CMPK2: variants seen among roughly 807,000 people sequenced by gnomAD.
The protein encoded by CMPK2 is UMP-CMP kinase 2, mitochondrial.
In CMPK2, 32 loss-of-function variants were observed where a neutral mutation model predicts 33.4. That is an observed-to-expected ratio of 0.96 (90% CI 0.72 to 1.29). CMPK2 has a LOEUF of 1.29. Among genes scored for constraint, CMPK2 ranks in the 50% most tolerant of loss-of-function variants. The pLI is 0.00. For missense variants in CMPK2, 672 were observed against 616.0 expected (o/e 1.09, Z -0.96); for synonymous variants, 299 against 275.3 (o/e 1.09, Z -0.85).
chr2:6,864,206 T>TG (rs78894892), intron 1 of CMPK2: 140,801 of 151,976 alleles, frequency 0.93, 65,982 homozygotes, highest in Non-Finnish European at 0.99. Context: ...TGAACTGGGG[T>TG]GGGGGGGTGC....
intron 3 of CMPK2, among the ~76,000 whole-genome samples, chr2:6,859,484 T>A (rs966822063): frequency 2.6e-5 from 4 of 152,174 alleles, no homozygotes; most frequent in Non-Finnish European, 5.9e-5. Context: ...GTCCCTCTGC[T>A]CTGTGCAGCC....
At chr2:6,864,931 A>G in intron 1 of CMPK2, 91 bp downstream of exon 1, 1 of 1,334,500 alleles carries the variant, frequency 7.5e-7, no homozygotes. Flanking sequence ...CCAGGCAAGA[A>G]CCGGCTCTAC....
In CMPK2 at chr2:6,849,476, G is replaced by A. The variant is rs754080565; in HGVS notation, c.*374C>T. On this transcript the variant is annotated 3_prime_UTR_variant, in exon 5 of 5. Coordinates refer to ENST00000256722, the MANE Select transcript of CMPK2 (RefSeq NM_207315.4). ...CCAGTGTAGGAGAAGCAGAGGCTCC[G>A]GGGTCTCCCTGCTGATCTGGAAGAT... 1.9e-5 allele frequency: 19 copies of A among 1,021,508 alleles called. No individual in the cohort carries two copies. Among genetic ancestry groups the A allele is most frequent in the Admixed American group, 5.9e-5 (1 of 16,810 alleles). 63.3% of individuals were successfully genotyped at this position (1,021,508 alleles called of 1,614,324 possible).
chr2:6,864,060 G>A (rs1033488317), intron 1 of CMPK2, among the ~76,000 whole-genome samples: 1 of 152,178 alleles, frequency 6.6e-6, no homozygotes, highest in Non-Finnish European at 1.5e-5. Context: ...GTCCCCCTGG[G>A]AATTCCCAGT....
At chr2:6,861,020 G>T (rs531609731) in intron 3 of CMPK2, among the ~76,000 whole-genome samples, 164 bp downstream of exon 3, 1 of 151,900 alleles carries the variant, frequency 6.6e-6, no homozygotes, top group South Asian at 2.1e-4. Context: ...AATTCATAAG[G>T]AGAATTCCTA....
rs753637518 is a variant in CMPK2 at position 6,865,333 on chromosome 2, C to A, written c.364G>T (p.Gly122Cys). 3 of 1,488,690 alleles carry A rather than the reference C, an allele frequency of 2.0e-6. No individual in the cohort carries two copies. The highest frequency in any genetic ancestry group is 2.5e-5 in the South Asian group (2 of 78,536). The allele number at this position is 1,488,690 out of a possible 1,614,324, so 92.2% of individuals were successfully genotyped here. ...LLRLLCYCPG[G>C]QAGGAQQGFL... ...CCTTGCTGTGCGCCGCCGGCCTGGC[C>A]GCCCGGGCAGTAGCAGAGCAGCCTG... is the stretch of plus-strand genomic sequence containing the variant. The change falls in exon 1 of 5, where the codon GGC becomes TGC. Residue 122 changes from glycine to cysteine, a missense_variant. By Grantham distance (159) the Gly-to-Cys change is radical. Coordinates refer to ENST00000256722, the MANE Select transcript of CMPK2 (RefSeq NM_207315.4).
chr2:6,855,336 C>T (rs1359377544), intron 3 of CMPK2, among the ~76,000 whole-genome samples: 1 of 150,798 alleles, frequency 6.6e-6, no homozygotes, highest in African/African-American at 2.4e-5. Context: ...CCTGCCCCTG[C>T]CCCTGCCTCT....
chr2:6,851,386 G>T, intron 4 of CMPK2, 64 bp downstream of exon 4: 1 of 1,607,242 alleles, frequency 6.2e-7, no homozygotes, highest in South Asian at 1.1e-5. Flanking sequence ...TAAAGCCAGT[G>T]CCAGTGGTTC....
upstream of CMPK2, chr2:6,866,467 CT>C: frequency 1.0e-6 from 1 of 985,700 alleles, no homozygotes; most frequent in Non-Finnish European, 1.2e-6. Context: ...TGCCCTCTCC[CT>C]TTTGCTGACT....
At chr2:6,846,492 C>T (rs1662365524), downstream of CMPK2, among the ~76,000 whole-genome samples, 1 of 152,078 alleles carries the variant, frequency 6.6e-6, no homozygotes, top group African/African-American at 2.4e-5. Context: ...ATTAAGATAC[C>T]AACTAACTCT....
exon 4 of CMPK2, chr2:6,840,597 T>G (rs1487887066): frequency 2.8e-6 from 2 of 702,206 alleles, no homozygotes; most frequent in East Asian, 5.4e-5. Flanking sequence ...TCGAGTGTGA[T>G]GAATCCAAGA....
chr2:6,855,214 G>A (rs1225237108), intron 3 of CMPK2, among the ~76,000 whole-genome samples: 1 of 151,670 alleles, frequency 6.6e-6, no homozygotes, highest in Non-Finnish European at 1.5e-5. Flanking sequence ...GAGTTGACTG[G>A]ATCATGGGGG....
intron 3 of CMPK2, among the ~76,000 whole-genome samples, chr2:6,853,098 C>T (rs963854778): frequency 6.6e-6 from 1 of 152,144 alleles, no homozygotes; most frequent in Non-Finnish European, 1.5e-5. Context: ...TACAGGCATG[C>T]ACCACCACGC....
intron 2 of CMPK2, 108 bp downstream of exon 2, chr2:6,863,356 G>T: frequency 1.2e-6 from 1 of 867,548 alleles, no homozygotes; most frequent in Non-Finnish European, 1.9e-6. Context: ...ACACAGTAGG[G>T]GCACACATAA....
In CMPK2 at chr2:6,849,814, T is replaced by C. The variant is rs768427851; in HGVS notation, c.*36A>G. 6.2e-6 allele frequency: 10 copies of C among 1,612,144 alleles called. No individual in the cohort carries two copies. The South Asian group carries it at 9.9e-5, about 16-fold the overall frequency. ...GTGGATGTAGATGTTTCAAACAACA[T>C]CTAATCTAGTTAGACGTGGCACCTG... On this transcript the variant is annotated 3_prime_UTR_variant, in exon 5 of 5. Coordinates refer to ENST00000256722, the MANE Select transcript of CMPK2 (RefSeq NM_207315.4).
Position 6,865,849 on chromosome 2 carries a change from G to C in CMPK2, c.-153C>G, listed in dbSNP as rs535596551. On this transcript the variant is annotated 5_prime_UTR_variant, in exon 1 of 5. Transcript: ENST00000256722. ...GGAAACGAAAGCCGGAGGCCCAGGC[G>C]GGGCAGGAGCCCTGGGGCTGGGGCG... 47 of 1,293,416 alleles carry C rather than the reference G, an allele frequency of 3.6e-5. No individual in the cohort carries two copies. In the East Asian group the frequency reaches 1.2e-3, roughly 32 times the overall value. The allele number at this position is 1,293,416 out of a possible 1,614,324, so 80.1% of individuals were successfully genotyped here.
intron 2 of CMPK2, chr2:6,861,985 G>A (rs1052997699): frequency 6.5e-6 from 1 of 152,934 alleles, no homozygotes; most frequent in Non-Finnish European, 1.5e-5. Context: ...AGCCTCGGGT[G>A]ACAGATTAGT....
intron 2 of CMPK2, among the ~76,000 whole-genome samples, chr2:6,862,572 A>G (rs1572143869): frequency 6.6e-6 from 1 of 152,342 alleles, no homozygotes; most frequent in East Asian, 1.9e-4. Context: ...CAGCTGAAGG[A>G]TTGATGGTGT....
At chr2:6,845,944 C>A (rs985061511), downstream of CMPK2, among the ~76,000 whole-genome samples, 3 of 152,004 alleles carry the variant, frequency 2.0e-5, no homozygotes, top group Admixed American at 6.6e-5. Flanking sequence ...GGCTACCTCC[C>A]AGCTGTTGAA....
Sources: allele counts gnomAD v4.1 joint callset (sites outside exome capture counted in the v4.1 genomes callset), GRCh38; gene constraint gnomAD v4.1.1; transcripts MANE v1.5; gene names NCBI Gene and HGNC (gene_info 2026-07-23, HGNC 2026-07-21).